ZNF626: variants seen among roughly 807,000 people sequenced by gnomAD.
The protein encoded by ZNF626 is CTC-513N18.7.
A neutral mutation model predicts 11.7 loss-of-function variants in ZNF626; 4 were observed. That is an observed-to-expected ratio of 0.34 (90% CI 0.17 to 0.78). The LOEUF (loss-of-function observed/expected upper bound fraction) is 0.78, where lower values mean the gene tolerates loss of function less well. Among genes scored for constraint, ZNF626 ranks in the 30% least tolerant of loss-of-function variants. ZNF626 has a pLI of 0.57. For missense variants in ZNF626, 588 were observed against 587.1 expected, an observed-to-expected ratio of 1.00 and a Z score of -0.01; for synonymous variants, 179 against 198.6, an observed-to-expected ratio of 0.90 and a Z score of 0.83.
chr19:20,642,313 ACT>A (rs1482138033), intron 3 of ZNF626, among the ~76,000 whole-genome samples: 5 of 152,192 alleles, frequency 3.3e-5, no homozygotes, highest in Admixed American at 2.0e-4. Flanking sequence ...AGAAACCTAC[ACT>A]GAGACCAGGC....
intron 3 of ZNF626, among the ~76,000 whole-genome samples, chr19:20,637,800 A>G (rs1969982520): frequency 6.6e-6 from 1 of 152,062 alleles, no homozygotes; most frequent in Non-Finnish European, 1.5e-5. Flanking sequence ...AAACAATAAT[A>G]ACGTAACTGG....
In ZNF626 at chr19:20,625,489, A is replaced by G. The variant is rs1969817702; in HGVS notation, c.388T>C (p.Tyr130His). Residue 130 changes from tyrosine (Y) to histidine (H), a missense_variant, in exon 4 of 4, where the codon TAT (tyrosine) becomes CAT (histidine). Tyr to His is a moderately conservative substitution (Grantham distance 83). This residue lies in a region of ZNF626 where 524 missense variants were observed against 470.1 expected (regional missense o/e 1.11). Coordinates refer to ENST00000601440, the MANE Select transcript of ZNF626 (RefSeq NM_001076675.3). ...GTCAAACATTGGTTAAGTTCATTAT[A>G]ACCTTCTTTGTGCACCTTACACTCA... ...VDECKVHKEGYNELNQCLTTT... is the reference protein window; with the variant it reads ...VDECKVHKEGHNELNQCLTTT... The G allele has an allele frequency of 6.2e-7, 1 of 1,613,680 alleles. No individual in the cohort carries two copies. The highest frequency in any genetic ancestry group is 8.5e-7 in the Non-Finnish European group (1 of 1,179,760).
At position 20,639,588 on chromosome 19, in the gene ZNF626, A is replaced by G. The variant is rs79556288; in HGVS notation, c.226+6096T>C. Reference sequence around the variant, plus strand: ...TCCGAACACTACAAACAAACCAACCATTAAACAGACATCTAGTGCGTATCT... The same window carrying G: ...TCCGAACACTACAAACAAACCAACCGTTAAACAGACATCTAGTGCGTATCT... On this transcript the variant is annotated intron_variant, in intron 3 of 3. Transcript: ENST00000601440. Among the ~76,000 whole-genome samples, 1,052 of 152,294 alleles carry G rather than the reference A, an allele frequency of 6.9e-3. 7 individuals carry two copies. Among genetic ancestry groups the G allele is most frequent in the Non-Finnish European group, 9.7e-3 (662 of 68,030 alleles).
intron 1 of ZNF626, among the ~76,000 whole-genome samples, chr19:20,660,590 AGTTT>A (rs1321454178): frequency 6.6e-6 from 1 of 152,108 alleles, no homozygotes; most frequent in African/African-American, 2.4e-5. Context: ...ACACGCCGAT[AGTTT>A]TCGTATTTTT....
intron 3 of ZNF626, among the ~76,000 whole-genome samples, chr19:20,641,014 A>G (rs1970018711): frequency 6.6e-6 from 1 of 151,832 alleles, no homozygotes; most frequent in Non-Finnish European, 1.5e-5. Context: ...TGGGCGCCTA[A>G]AATCCCAGTT....
chr19:20,649,601 C>G (rs562133997), intron 1 of ZNF626, among the ~76,000 whole-genome samples: 3 of 152,322 alleles, frequency 2.0e-5, no homozygotes, highest in Admixed American at 6.5e-5. Flanking sequence ...TAAACAGAAG[C>G]TGTGCGGAGG....
chr19:20,661,441 C>T lies in ZNF626; in HGVS notation c.3+3G>A. 8.1e-6 allele frequency: 13 copies of T among 1,613,942 alleles called. No individual in the cohort carries two copies. Among genetic ancestry groups the T allele is most frequent in the African/African-American group, 1.3e-5 (1 of 75,044 alleles). ...TCTCGGGATGTCGGACCCTCACTCTCACCATTTTTGGCTTCCAGGAGGTCC... is the reference window on the plus strand; with the variant it reads ...TCTCGGGATGTCGGACCCTCACTCTTACCATTTTTGGCTTCCAGGAGGTCC... On this transcript the variant is annotated splice_donor_region_variant and intron_variant, in intron 1 of 3. Transcript: ENST00000601440.
intron 1 of ZNF626, among the ~76,000 whole-genome samples, chr19:20,658,339 CTT>C (rs782444325): frequency 8.6e-5 from 13 of 151,574 alleles, no homozygotes; most frequent in Non-Finnish European, 1.8e-4. Context: ...CCTGTAGAGA[CTT>C]TTGGGTTCTT....
intron 3 of ZNF626, among the ~76,000 whole-genome samples, chr19:20,632,298 T>C (rs1555770453): frequency 2.0e-5 from 3 of 152,172 alleles, no homozygotes; most frequent in African/African-American, 7.2e-5. Flanking sequence ...AGTATCTTTG[T>C]GGCGTTCTCT....
chr19:20,627,028 C>CTAAA (rs145429877), intron 3 of ZNF626, among the ~76,000 whole-genome samples: 19,608 of 150,982 alleles, frequency 0.13, 1,319 homozygotes, highest in South Asian at 0.18. Flanking sequence ...GAAAAACTAA[C>CTAAA]TAAATAAATA....
chr19:20,641,020 C>G (rs954387413), intron 3 of ZNF626, among the ~76,000 whole-genome samples: 1 of 151,474 alleles, frequency 6.6e-6, no homozygotes, highest in African/African-American at 2.4e-5. Context: ...CCTAAAATCC[C>G]AGTTACTTGG....
At chr19:20,652,407 C>G (rs1423198989) in intron 1 of ZNF626, among the ~76,000 whole-genome samples, 1 of 151,868 alleles carries the variant, frequency 6.6e-6, no homozygotes, top group East Asian at 1.9e-4. Flanking sequence ...TGCCTGGAAT[C>G]TACACTTTGA....
rs782285402 is a variant in ZNF626, at chr19:20,645,668, T to C, written c.226+16A>G. The C allele has an allele frequency of 6.2e-7, 1 of 1,604,374 alleles. No individual in the cohort carries two copies. The highest frequency in any genetic ancestry group is 8.5e-7 in the Non-Finnish European group (1 of 1,177,618). On this transcript the variant is annotated intron_variant, in intron 3 of 3. Coordinates refer to ENST00000601440, the MANE Select transcript of ZNF626 (RefSeq NM_001076675.3). ...TATCTGTGTCATCTGTTGTATTCATTTTCACTCACACCTACCTGAGGGTTT... is the reference window on the plus strand; with the variant it reads ...TATCTGTGTCATCTGTTGTATTCATCTTCACTCACACCTACCTGAGGGTTT...
At position 20,623,541 on chromosome 19, in the gene ZNF626, G is replaced by GT. The variant is rs782483698; in HGVS notation, c.*748dup. Reference sequence around the variant, plus strand: ...TGGCCAGGCATGGTGGCTCATGCCTGTAATTGCAACACTTTAGGAGGCTGA... The same window carrying GT: ...TGGCCAGGCATGGTGGCTCATGCCTGTTAATTGCAACACTTTAGGAGGCTGA... On this transcript the variant is annotated 3_prime_UTR_variant, in exon 4 of 4. Transcript: ENST00000601440. 2 of 155,892 alleles carry GT rather than the reference G, an allele frequency of 1.3e-5. No homozygotes were observed. Among genetic ancestry groups the GT allele is most frequent in the Non-Finnish European group, 2.8e-5 (2 of 70,428 alleles). 9.7% of individuals were successfully genotyped at this position (155,892 alleles called of 1,614,324 possible). A position where few individuals can be genotyped will look rare whatever the true frequency, so the allele number is the denominator to read the frequency against.
intron 1 of ZNF626, among the ~76,000 whole-genome samples, chr19:20,658,684 T>C (rs1293627173): frequency 2.0e-5 from 3 of 152,154 alleles, no homozygotes; most frequent in Non-Finnish European, 4.4e-5. Context: ...ACCAAATCTA[T>C]AGAGTTTGCT....
At chr19:20,645,355 G>A (rs782078245) in intron 3 of ZNF626, 65 of 1,577,842 alleles carry the variant, frequency 4.1e-5, no homozygotes, top group East Asian at 3.2e-4. Context: ...ACATTTGTGC[G>A]TCCCAAAAAT....
At chr19:20,642,621 CA>C (rs1230561850) in intron 3 of ZNF626, among the ~76,000 whole-genome samples, 20 of 151,996 alleles carry the variant, frequency 1.3e-4, no homozygotes, top group Admixed American at 6.6e-4. Context: ...GCAGCAACAA[CA>C]AACAAAAAAA....
intron 1 of ZNF626, among the ~76,000 whole-genome samples, chr19:20,659,051 A>C (rs1032661729): frequency 4.6e-5 from 7 of 152,192 alleles, no homozygotes; most frequent in African/African-American, 1.4e-4. Context: ...AATCCTGGAA[A>C]ATATTTGTGA....
At chr19:20,660,243 TAAA>T (rs35231346) in intron 1 of ZNF626, among the ~76,000 whole-genome samples, 32,294 of 104,020 alleles carry the variant, frequency 0.31, 4,323 homozygotes, top group East Asian at 0.49. Context: ...ACACTGTGTC[TAAA>T]AAAAAAAAAA....
Sources: gnomAD v4.1 joint callset for allele counts (sites outside exome capture counted in the v4.1 genomes callset) on GRCh38, gnomAD v4.1.1 for gene constraint, gnomAD v4.1.1 regional missense constraint, MANE v1.5 for transcripts, NCBI Gene and HGNC (gene_info 2026-07-23, HGNC 2026-07-21) for gene names.